Variants in PDZD2 observed in about 807,000 individuals in gnomAD.
PDZD2 encodes the protein PDZ domain containing 2.
In PDZD2, 90 loss-of-function variants were observed where a neutral mutation model predicts 220.7. The ratio of observed to expected loss-of-function variants is 0.41; its 90% CI spans 0.34 to 0.49. The LOEUF (loss-of-function observed/expected upper bound fraction) is 0.49, where lower values mean the gene tolerates loss of function less well. PDZD2 is among the 20% of genes least tolerant of loss of function. The pLI is 0.28. For synonymous variants in PDZD2, 1,375 were observed against 1,450.5 expected (o/e 0.95, Z 1.18); for missense variants, 3,174 against 3,608.5 (o/e 0.88, Z 3.08).
chr5:31,936,858 A>G (rs1411888400), intron 2 of PDZD2, among the ~76,000 whole-genome samples: 1 of 152,196 alleles, frequency 6.6e-6, no homozygotes, highest in Non-Finnish European at 1.5e-5. Flanking sequence ...CGAATGCACT[A>G]ATGTTTTCTC....
chr5:31,773,424 A>G (rs1345684839), intron 1 of PDZD2, among the ~76,000 whole-genome samples: 2 of 151,016 alleles, frequency 1.3e-5, no homozygotes, highest in African/African-American at 4.9e-5. Flanking sequence ...GGAACACTTG[A>G]GGTCAGGAGC....
At chr5:32,002,901 AC>A (rs762376420) in intron 5 of PDZD2, among the ~76,000 whole-genome samples, 2 of 13,248 alleles carry the variant, frequency 1.5e-4, no homozygotes, top group Admixed American at 8.8e-4. Context: ...ACCAACACAC[AC>A]CCCCACCACA....
At chr5:31,751,242 C>CAA (rs545923936) in intron 1 of PDZD2, among the ~76,000 whole-genome samples, 2,183 of 131,536 alleles carry the variant, frequency 0.017, 48 homozygotes, top group African/African-American at 0.055. Context: ...AGTACATCTC[C>CAA]AAAAAAAAAA....
chr5:31,800,789 G>C (rs375608169), intron 2 of PDZD2, among the ~76,000 whole-genome samples: 1 of 152,180 alleles, frequency 6.6e-6, no homozygotes, highest in Non-Finnish European at 1.5e-5. Context: ...CATGAATTTT[G>C]TCAAGCTTTC....
intron 6 of PDZD2, among the ~76,000 whole-genome samples, chr5:32,014,603 A>T (rs996273764): frequency 6.6e-6 from 1 of 151,856 alleles, no homozygotes; most frequent in Non-Finnish European, 1.5e-5. Context: ...TCTCAGAAAT[A>T]TCAAAGTCTA....
At chr5:31,793,092 C>G (rs980112182) in intron 1 of PDZD2, among the ~76,000 whole-genome samples, 2 of 152,128 alleles carry the variant, frequency 1.3e-5, no homozygotes, top group African/African-American at 4.8e-5. Flanking sequence ...CCCACCTTGG[C>G]CTCCCAAAGT....
chr5:31,694,049 G>A (rs560207741), intron 1 of PDZD2, among the ~76,000 whole-genome samples: 3 of 152,252 alleles, frequency 2.0e-5, no homozygotes, highest in Non-Finnish European at 2.9e-5. Flanking sequence ...TAGAATGTAC[G>A]CCACTCCTAA....
Position 31,920,552 on chromosome 5 carries a change from A to C in PDZD2, c.477-62603A>C, listed in dbSNP as rs1482720998. On this transcript the variant is annotated intron_variant, in intron 2 of 24. Coordinates refer to ENST00000438447, the MANE Select transcript of PDZD2 (RefSeq NM_178140.4). ...CCAGGCACTCTGGCTTACACCTGTA[A>C]TCTGGGCTATAGGGAAGACTGAGAC... Among the ~76,000 whole-genome samples, 10 of 150,852 alleles carry C rather than the reference A, an allele frequency of 6.6e-5. No homozygotes were observed. In the East Asian group the frequency reaches 2.0e-3, roughly 30 times the overall value.
chr5:32,060,980 T>G lies in PDZD2; in HGVS notation c.2319-22T>G, dbSNP rs1178074124. 4 of 1,613,534 alleles carry G rather than the reference T, an allele frequency of 2.5e-6. No homozygotes were observed. In the Admixed American group the frequency reaches 6.7e-5, roughly 27 times the overall value. On this transcript the variant is annotated intron_variant, in intron 13 of 24. Transcript: ENST00000438447. Reference sequence around the variant, plus strand: ...AGAAGCTGGCTGCTAACACAGAGTGTGGATTCTGTTGCCCTCCCTAGCCGC... The same window carrying G: ...AGAAGCTGGCTGCTAACACAGAGTGGGGATTCTGTTGCCCTCCCTAGCCGC...
At chr5:32,086,138 C>T (rs1309628196) in intron 19 of PDZD2, among the ~76,000 whole-genome samples, 1 of 152,102 alleles carries the variant, frequency 6.6e-6, no homozygotes, top group East Asian at 1.9e-4. Context: ...TCCCAGCTTT[C>T]GTATTCTGTA....
At chr5:31,663,214 T>C (rs1414930956) in intron 1 of PDZD2, among the ~76,000 whole-genome samples, 1 of 152,230 alleles carries the variant, frequency 6.6e-6, no homozygotes, top group Non-Finnish European at 1.5e-5. Flanking sequence ...TTGCAAGGCA[T>C]GAAAAATTCA....
chr5:31,764,244 G>T (rs1751850291), intron 1 of PDZD2, among the ~76,000 whole-genome samples: 1 of 152,202 alleles, frequency 6.6e-6, no homozygotes, highest in Non-Finnish European at 1.5e-5. Context: ...CCTTCCTTCA[G>T]ATGTGAAAAC....
intron 15 of PDZD2, 109 bp from the exon 16 acceptor site, chr5:32,071,275 G>C (rs72761544): frequency 0.11 from 87,886 of 807,708 alleles, 5,628 homozygotes; most frequent in East Asian, 0.23. Flanking sequence ...TCAAGCAAAG[G>C]GAGTTTTGTT....
chr5:31,776,400 A>G (rs1386159973), intron 1 of PDZD2, among the ~76,000 whole-genome samples: 1 of 152,172 alleles, frequency 6.6e-6, no homozygotes, highest in East Asian at 1.9e-4. Flanking sequence ...CACTCAGTGC[A>G]CAGACATCCT....
intron 5 of PDZD2, among the ~76,000 whole-genome samples, chr5:32,009,744 T>A (rs79096490): frequency 2.1e-5 from 3 of 146,066 alleles, no homozygotes; most frequent in South Asian, 4.3e-4. Context: ...AAAAAAAAAA[T>A]GATTGTTTTA....
At chr5:31,858,490 A>G (rs1758654290) in intron 2 of PDZD2, among the ~76,000 whole-genome samples, 1 of 152,170 alleles carries the variant, frequency 6.6e-6, no homozygotes, top group Non-Finnish European at 1.5e-5. Flanking sequence ...TAACTTTGGG[A>G]GGAACTTAGT....
intron 14 of PDZD2, among the ~76,000 whole-genome samples, chr5:32,065,919 G>A (rs1014855526): frequency 6.6e-6 from 1 of 152,060 alleles, no homozygotes; most frequent in African/African-American, 2.4e-5. Flanking sequence ...CCAGCTACTC[G>A]GGGCCGAGGC....
At chr5:31,828,180 T>G (rs1342588964) in intron 2 of PDZD2, among the ~76,000 whole-genome samples, 1 of 152,262 alleles carries the variant, frequency 6.6e-6, no homozygotes, top group Admixed American at 6.5e-5. Context: ...TGTGTGAGTA[T>G]GTTTTCAGTT....
intron 1 of PDZD2, among the ~76,000 whole-genome samples, chr5:31,775,252 T>G (rs1752571335): frequency 6.6e-6 from 1 of 152,124 alleles, no homozygotes; most frequent in Admixed American, 6.5e-5. Flanking sequence ...AGAATTTGCC[T>G]GTTTCTCATG....
Sources: allele counts gnomAD v4.1 joint callset (sites outside exome capture counted in the v4.1 genomes callset), GRCh38; gene constraint gnomAD v4.1.1; transcripts MANE v1.5; gene names NCBI Gene and HGNC (gene_info 2026-07-23, HGNC 2026-07-21).